Variants in TTC7A observed in about 807,000 individuals in gnomAD.
The protein encoded by TTC7A is tetratricopeptide repeat protein 7A.
Under a neutral mutation model 103.7 loss-of-function variants are expected in TTC7A, and 110 were observed. The observed-to-expected ratio is 1.06, with a 90% CI of 0.91 to 1.24. The LOEUF (loss-of-function observed/expected upper bound fraction) is 1.24. TTC7A is among the 50% of genes most tolerant of loss of function. The probability of loss-of-function intolerance (pLI) is 0.00; values close to 1 mark genes in which losing one functional copy is unlikely to be tolerated. For missense variants in TTC7A, 1,340 were observed against 1,116.3 expected (o/e 1.20, Z -2.86); for synonymous variants, 521 against 467.9 (o/e 1.11, Z -1.47).
chr2:46,958,507 T>A (rs1558508775), intron 3 of TTC7A: 1 of 1,304,224 alleles, frequency 7.7e-7, no homozygotes, highest in Non-Finnish European at 1.0e-6. Flanking sequence ...TGCCTCCGGC[T>A]TCTTGGGGGA....
chr2:47,041,767 A>G (rs1681776142), intron 15 of TTC7A, among the ~76,000 whole-genome samples: 1 of 151,944 alleles, frequency 6.6e-6, no homozygotes, highest in African/African-American at 2.4e-5. Flanking sequence ...AAAAAAAAAA[A>G]AGCTTGATAT....
At position 46,928,106 on chromosome 2, in the gene TTC7A, G is replaced by A. The variant is rs560273957; in HGVS notation, c.82+10829G>A. ...GGGTTTTTGCCATGTTGCCCAGGCTGGTCTCTAACTCCTCGGCTCAGGTGA... is the reference window on the plus strand; with the variant it reads ...GGGTTTTTGCCATGTTGCCCAGGCTAGTCTCTAACTCCTCGGCTCAGGTGA... On this transcript the variant is annotated intron_variant, in intron 2 of 20. Transcript: ENST00000409245. Among the ~76,000 whole-genome samples the A allele has an allele frequency of 5.3e-5, 8 of 151,502 alleles. 1 individual carries two copies. The highest frequency in any genetic ancestry group is 1.9e-4 in the African/African-American group (8 of 41,272).
chr2:46,994,344 C>G lies in TTC7A; in HGVS notation c.844-13C>G. 1 of 1,608,804 alleles carries G rather than the reference C, an allele frequency of 6.2e-7. No individual in the cohort carries two copies. Among genetic ancestry groups the G allele is most frequent in the Non-Finnish European group, 8.5e-7 (1 of 1,177,196 alleles). On this transcript the variant is annotated splice_polypyrimidine_tract_variant and intron_variant, in intron 6 of 19. Transcript: ENST00000319190. ...CAACTGTGCCTGGGTCCGAGTGCTT[C>G]CCTCTCTGCCAGATGGCGGCCAAGC...
intron 8 of TTC7A, among the ~76,000 whole-genome samples, chr2:47,001,898 G>C (rs181071058): frequency 6.7e-6 from 1 of 150,354 alleles, no homozygotes; most frequent in Non-Finnish European, 1.5e-5. Flanking sequence ...CATGTCACAC[G>C]CATAGGGCTG....
chr2:46,962,900 C>T (rs575439372), intron 3 of TTC7A, among the ~76,000 whole-genome samples: 3 of 152,386 alleles, frequency 2.0e-5, no homozygotes, highest in South Asian at 2.1e-4. Flanking sequence ...TCTGCCTCTA[C>T]AGCTCCTTAA....
At chr2:46,965,557 G>A (rs1329809676) in intron 3 of TTC7A, among the ~76,000 whole-genome samples, 1 of 147,366 alleles carries the variant, frequency 6.8e-6, no homozygotes, top group East Asian at 2.1e-4. Context: ...CGTTTTCCCT[G>A]GATTCATTTT....
chr2:47,006,865 G>A, intron 10 of TTC7A, 141 bp downstream of exon 10: 2 of 689,338 alleles, frequency 2.9e-6, no homozygotes. Context: ...TGAGGGGCGT[G>A]GGGTGGGCCA....
upstream of TTC7A, among the ~76,000 whole-genome samples, chr2:46,940,805 G>T (rs1670265166): frequency 6.6e-6 from 1 of 152,200 alleles, no homozygotes; most frequent in Non-Finnish European, 1.5e-5. The surrounding 1 kb of genome is among the most constrained non-coding windows in gnomAD (Gnocchi z 4.7). Flanking sequence ...GGCGGACAGC[G>T]GCAGGCCAGC....
rs1341335604 is a variant in TTC7A, at chr2:46,941,755, C to T, written c.184+30C>T. Reference sequence around the variant, plus strand: ...GTAAGGGAAGAGGCTGGCTCGCCGGCAGCGAGCGCGCGAAACGCACCGCCT... The same window carrying T: ...GTAAGGGAAGAGGCTGGCTCGCCGGTAGCGAGCGCGCGAAACGCACCGCCT... On this transcript the variant is annotated intron_variant, in intron 1 of 19. Coordinates refer to ENST00000319190, the MANE Select transcript of TTC7A (RefSeq NM_020458.4). The surrounding 1 kb of genome is among the most constrained non-coding windows in gnomAD (Gnocchi z 4.2). The T allele has an allele frequency of 2.6e-6, 4 of 1,547,004 alleles. No homozygotes were observed. The highest frequency in any genetic ancestry group is 2.4e-5 in the East Asian group (1 of 40,840).
chr2:47,067,870 G>A (rs1004937610), intron 19 of TTC7A: 3 of 152,104 alleles, frequency 2.0e-5, no homozygotes, highest in East Asian at 1.9e-4. Flanking sequence ...TCGGGGGGGA[G>A]TGGAAACCTG....
chr2:47,074,376 G>A lies in TTC7A; in HGVS notation c.*453G>A, dbSNP rs1239828524. 1 of 161,424 alleles carries A rather than the reference G, an allele frequency of 6.2e-6. No individual in the cohort carries two copies. The highest frequency in any genetic ancestry group is 6.0e-5 in the Admixed American group (1 of 16,558). The allele number at this position is 161,424 out of a possible 1,614,324, so 10.0% of individuals were successfully genotyped here. ...AAGTGGGAAGACTATGAGATTTCTG[G>A]GTTCCCTTCTCAGACTTGGAGTTAG... On this transcript the variant is annotated 3_prime_UTR_variant, in exon 20 of 20. Coordinates refer to ENST00000319190, the MANE Select transcript of TTC7A (RefSeq NM_020458.4).
intron 15 of TTC7A, among the ~76,000 whole-genome samples, chr2:47,042,675 AGTGTGTGTGT>A (rs10587096): frequency 6.7e-6 from 1 of 148,398 alleles, no homozygotes; most frequent in African/African-American, 2.5e-5. Flanking sequence ...CTGAGCCCCA[AGTGTGTGTGT>A]GTGTGTGTGT....
intron 15 of TTC7A, among the ~76,000 whole-genome samples, chr2:47,037,529 T>C (rs1333117227): frequency 6.6e-6 from 1 of 152,200 alleles, no homozygotes; most frequent in African/African-American, 2.4e-5. Flanking sequence ...AGTTAGATGA[T>C]AGCTCAAGAT....
intron 17 of TTC7A, chr2:47,050,955 G>T (rs1306826700): frequency 6.6e-6 from 1 of 152,188 alleles, no homozygotes; most frequent in East Asian, 1.9e-4. Context: ...CAGAGAGAGA[G>T]AAAGTGCTCA....
intron 15 of TTC7A, among the ~76,000 whole-genome samples, chr2:47,042,967 G>A (rs887072693): frequency 1.3e-5 from 2 of 152,144 alleles, no homozygotes; most frequent in African/African-American, 4.8e-5. Context: ...GCTTCCCCCA[G>A]GAGTCACAGC....
intron 15 of TTC7A, among the ~76,000 whole-genome samples, chr2:47,029,587 G>A (rs1266291157): frequency 6.6e-6 from 1 of 152,212 alleles, no homozygotes; most frequent in Non-Finnish European, 1.5e-5. Flanking sequence ...GAGGTGCCTG[G>A]TGGGTAATGG....
At chr2:46,931,333 G>A (rs767158572) in intron 2 of TTC7A, among the ~76,000 whole-genome samples, 8 of 152,196 alleles carry the variant, frequency 5.3e-5, no homozygotes, top group Non-Finnish European at 1.2e-4. Flanking sequence ...CAATCCTCTC[G>A]CCTCAGCTTC....
At chr2:47,002,846 C>T (rs1331956322) in intron 8 of TTC7A, among the ~76,000 whole-genome samples, 1 of 152,120 alleles carries the variant, frequency 6.6e-6, no homozygotes, top group Non-Finnish European at 1.5e-5. Context: ...AGTAACCACT[C>T]AGCCCACTTC....
intron 2 of TTC7A, among the ~76,000 whole-genome samples, chr2:46,933,683 C>T (rs147453987): frequency 2.0e-5 from 3 of 152,342 alleles, no homozygotes; most frequent in Non-Finnish European, 4.4e-5. Context: ...GAGCCATGCA[C>T]ATGACTACAT....
Sources: allele counts gnomAD v4.1 joint callset (sites outside exome capture counted in the v4.1 genomes callset), GRCh38; gene constraint gnomAD v4.1.1; non-coding constraint Gnocchi (gnomAD v3.1); transcripts MANE v1.5; gene names NCBI Gene and HGNC (gene_info 2026-07-23, HGNC 2026-07-21).